Variants in ATP8A2 observed in about 807,000 individuals in gnomAD.
ATP8A2 encodes ATPase phospholipid transporting 8A2.
ATP8A2 carries 100 observed loss-of-function variants against 165.6 expected under a neutral mutation model. The ratio of observed to expected loss-of-function variants is 0.60; its 90% CI spans 0.51 to 0.71. The LOEUF (loss-of-function observed/expected upper bound fraction) is 0.71, where lower values mean the gene tolerates loss of function less well. Among genes scored for constraint, ATP8A2 ranks in the 30% least tolerant of loss-of-function variants. The pLI is 0.00. For missense variants in ATP8A2, 1,227 were observed against 1,479.5 expected, an observed-to-expected ratio of 0.83 and a Z score of 2.80; for synonymous variants, 543 against 548.8, an observed-to-expected ratio of 0.99 and a Z score of 0.15.
chr13:25,625,034 C>G (rs138655696), intron 24 of ATP8A2, among the ~76,000 whole-genome samples: 5 of 152,198 alleles, frequency 3.3e-5, no homozygotes, highest in Admixed American at 3.3e-4. Flanking sequence ...TGTGCATGAT[C>G]AATTTTATCT....
chr13:25,407,961 A>G (rs1372965783), intron 1 of ATP8A2, among the ~76,000 whole-genome samples: 1 of 152,230 alleles, frequency 6.6e-6, no homozygotes, highest in African/African-American at 2.4e-5. Context: ...TACATAATGC[A>G]TGCGGGGCTT....
Position 25,940,477 on chromosome 13 carries a change from G to T in ATP8A2, c.3184-21098G>T, listed in dbSNP as rs550467579. On this transcript the variant is annotated intron_variant, in intron 33 of 36. Coordinates refer to ENST00000381655, the MANE Select transcript of ATP8A2 (RefSeq NM_016529.6). ...GCTTCCTGCTGCCTTCCCGTCCTCT[G>T]GGCAGGCCCCACCGGCCTTTCCTCC... 5.3e-5 allele frequency among the ~76,000 whole-genome samples: 8 copies of T among 152,216 alleles called. No homozygotes were observed. The East Asian group carries it at 1.5e-3, about 29-fold the overall frequency.
At chr13:25,759,067 T>C (rs1232206182) in intron 25 of ATP8A2, among the ~76,000 whole-genome samples, 1 of 152,138 alleles carries the variant, frequency 6.6e-6, no homozygotes, top group African/African-American at 2.4e-5. Flanking sequence ...GAAGTATTAA[T>C]CTGCAAACTA....
chr13:25,968,850 A>G (rs1362414353), intron 35 of ATP8A2, among the ~76,000 whole-genome samples, 171 bp downstream of exon 35: 2 of 152,102 alleles, frequency 1.3e-5, no homozygotes, highest in Non-Finnish European at 2.9e-5. Flanking sequence ...TGACTACATG[A>G]AACCTAAATC....
chr13:25,971,389 G>A (rs1021167986), intron 35 of ATP8A2, among the ~76,000 whole-genome samples: 1 of 152,072 alleles, frequency 6.6e-6, no homozygotes, highest in Non-Finnish European at 1.5e-5. Flanking sequence ...AGACTAAGAA[G>A]TCTGTCTTCA....
At chr13:25,815,376 G>A (rs187125387) in intron 27 of ATP8A2, among the ~76,000 whole-genome samples, 120 of 152,214 alleles carry the variant, frequency 7.9e-4, no homozygotes, top group Non-Finnish European at 1.3e-3. Flanking sequence ...AAAAATGGGC[G>A]AAAGACTTGA....
At position 25,751,185 on chromosome 13, in the gene ATP8A2, A is replaced by G. The variant is rs372650206; in HGVS notation, c.2385-17861A>G. Reference sequence around the variant, plus strand: ...CATACCTTGGCTTACTTTGAATTCAACCTCGTCAACAGATGCCCTGAGGGC... The same window carrying G: ...CATACCTTGGCTTACTTTGAATTCAGCCTCGTCAACAGATGCCCTGAGGGC... On this transcript the variant is annotated intron_variant, in intron 25 of 36. Coordinates refer to ENST00000381655, the MANE Select transcript of ATP8A2 (RefSeq NM_016529.6). Among the ~76,000 whole-genome samples, 335 of 152,288 alleles carry G rather than the reference A, an allele frequency of 2.2e-3. 1 individual carries two copies. Among genetic ancestry groups the G allele is most frequent in the African/African-American group, 7.5e-3 (313 of 41,564 alleles).
At chr13:25,450,692 C>T (rs12184862) in intron 1 of ATP8A2, among the ~76,000 whole-genome samples, 2,420 of 151,988 alleles carry the variant, frequency 0.016, 85 homozygotes, top group African/African-American at 0.054. Context: ...CCACCATGCC[C>T]GGCTAATTTT....
At chr13:25,592,807 G>C (rs1191004566) in intron 24 of ATP8A2, among the ~76,000 whole-genome samples, 1 of 152,130 alleles carries the variant, frequency 6.6e-6, no homozygotes, top group Non-Finnish European at 1.5e-5. Context: ...CCAAAGAGTG[G>C]TTTGTGACGC....
chr13:25,435,937 G>GTA (rs1555270355), intron 1 of ATP8A2, among the ~76,000 whole-genome samples: 3 of 144,168 alleles, frequency 2.1e-5, no homozygotes, highest in Admixed American at 7.1e-5. Context: ...GTGTGAGTGT[G>GTA]TGTGTGTGTG....
chr13:25,732,010 A>C (rs2043659565), intron 25 of ATP8A2, among the ~76,000 whole-genome samples: 1 of 152,106 alleles, frequency 6.6e-6, no homozygotes, highest in African/African-American at 2.4e-5. Context: ...GGGGTCCCTG[A>C]ATTGTGAGTT....
At chr13:25,819,117 A>G (rs1951099546) in intron 27 of ATP8A2, among the ~76,000 whole-genome samples, 2 of 152,152 alleles carry the variant, frequency 1.3e-5, no homozygotes, top group Admixed American at 1.3e-4. Context: ...ACTCATACAA[A>G]TGTATGTAAA....
At chr13:25,670,441 C>G (rs2042241122) in intron 24 of ATP8A2, among the ~76,000 whole-genome samples, 1 of 152,162 alleles carries the variant, frequency 6.6e-6, no homozygotes, top group Non-Finnish European at 1.5e-5. Flanking sequence ...TTCCCCCTTG[C>G]TGCAGGTTCC....
intron 25 of ATP8A2, among the ~76,000 whole-genome samples, chr13:25,702,195 G>A (rs3121591): frequency 0.7 from 106,547 of 152,040 alleles, 37,783 homozygotes; most frequent in Middle Eastern, 0.74. Flanking sequence ...AATAATGAAA[G>A]AAGTAATTTT....
chr13:25,781,241 C>A (rs916147388), intron 27 of ATP8A2, among the ~76,000 whole-genome samples: 3 of 152,044 alleles, frequency 2.0e-5, no homozygotes, highest in African/African-American at 7.2e-5. Context: ...TGCACTCCAG[C>A]CTGGGTGACA....
intron 1 of ATP8A2, among the ~76,000 whole-genome samples, chr13:25,446,485 A>G (rs2035071737): frequency 1.3e-5 from 2 of 152,198 alleles, no homozygotes; most frequent in Non-Finnish European, 2.9e-5. Context: ...TAACTTGTGT[A>G]ACTGATCAGG....
chr13:25,601,954 G>A (rs1022916789), intron 24 of ATP8A2, among the ~76,000 whole-genome samples: 28 of 152,128 alleles, frequency 1.8e-4, no homozygotes, highest in African/African-American at 5.3e-4. Flanking sequence ...GTAAGGTCAT[G>A]AAATATTCTT....
chr13:25,906,604 C>G (rs1000119349), intron 33 of ATP8A2, among the ~76,000 whole-genome samples: 4 of 152,144 alleles, frequency 2.6e-5, no homozygotes, highest in African/African-American at 9.7e-5. Flanking sequence ...TGCCGTATAT[C>G]TCCTTTCTTT....
chr13:25,817,876 T>A (rs1363025901), intron 27 of ATP8A2, among the ~76,000 whole-genome samples: 1 of 152,086 alleles, frequency 6.6e-6, no homozygotes, highest in African/African-American at 2.4e-5. Flanking sequence ...AGACAGGGTC[T>A]CACTCTGTTG....
Sources: gnomAD v4.1 joint callset for allele counts (sites outside exome capture counted in the v4.1 genomes callset) on GRCh38, gnomAD v4.1.1 for gene constraint, MANE v1.5 for transcripts, NCBI Gene and HGNC (gene_info 2026-07-23, HGNC 2026-07-21) for gene names.